CLNK: variants seen among roughly 807,000 people sequenced by gnomAD.
CLNK encodes the protein cytokine dependent hematopoietic cell linker.
A neutral mutation model predicts 68.6 loss-of-function variants in CLNK; 74 were observed. The observed-to-expected ratio is 1.08, with a 90% CI of 0.89 to 1.31. The LOEUF (loss-of-function observed/expected upper bound fraction) is 1.31. CLNK is among the 50% of genes most tolerant of loss of function. The probability of loss-of-function intolerance (pLI) is 0.00; values close to 1 mark genes in which losing one functional copy is unlikely to be tolerated. For missense variants in CLNK, 553 were observed against 515.3 expected (o/e 1.07, Z -0.71); for synonymous variants, 198 against 172.2 (o/e 1.15, Z -1.17).
chr4:10,576,457 G>A (rs907849729), intron 4 of CLNK, among the ~76,000 whole-genome samples: 8 of 152,140 alleles, frequency 5.3e-5, no homozygotes, highest in African/African-American at 1.4e-4. Context: ...ACATCTTTTT[G>A]CAAGAAACAA....
intron 11 of CLNK, among the ~76,000 whole-genome samples, chr4:10,534,419 C>T (rs762030608): frequency 1.3e-5 from 2 of 152,052 alleles, no homozygotes; most frequent in South Asian, 4.2e-4. Flanking sequence ...AAAGATATTA[C>T]CTTTTACTAT....
the CLNK span, among the ~76,000 whole-genome samples, chr4:10,699,514 T>TATATA: frequency 1.1e-4 from 2 of 18,470 alleles, no homozygotes; most frequent in African/African-American, 3.8e-4. Context: ...ATATATATAT[T>TATATA]TTTTTTTTTT....
intron 8 of CLNK, among the ~76,000 whole-genome samples, chr4:10,554,825 T>G (rs767614823): frequency 2.6e-5 from 4 of 152,206 alleles, no homozygotes; most frequent in Non-Finnish European, 4.4e-5. Flanking sequence ...GGGAGCAGTA[T>G]CATCTATCAA....
At chr4:10,674,626 A>G (rs1470601288) in intron 1 of CLNK, among the ~76,000 whole-genome samples, 1 of 152,144 alleles carries the variant, frequency 6.6e-6, no homozygotes, top group Non-Finnish European at 1.5e-5. Context: ...CTCCAGGTAT[A>G]AAGGGGACCA....
At chr4:10,666,755 C>T (rs4697773) in intron 2 of CLNK, among the ~76,000 whole-genome samples, 70,641 of 152,064 alleles carry the variant, frequency 0.46, 17,062 homozygotes, top group Non-Finnish European at 0.54. Flanking sequence ...CTGTGGACTA[C>T]GTGCCAGGGA....
intron 17 of CLNK, among the ~76,000 whole-genome samples, chr4:10,505,972 C>T (rs1717274460): frequency 1.3e-5 from 2 of 152,130 alleles, no homozygotes; most frequent in East Asian, 3.8e-4. Flanking sequence ...GTAGATCTAT[C>T]ATTTATTCAC....
intron 2 of CLNK, among the ~76,000 whole-genome samples, chr4:10,653,263 A>AAACC (rs1723826881): frequency 6.6e-6 from 1 of 152,090 alleles, no homozygotes; most frequent in African/African-American, 2.4e-5. Context: ...TGGGTGCAGC[A>AAACC]AACCACCATG....
intron 2 of CLNK, among the ~76,000 whole-genome samples, chr4:10,661,189 G>T (rs1417290772): frequency 6.6e-6 from 1 of 152,184 alleles, no homozygotes; most frequent in Non-Finnish European, 1.5e-5. Context: ...GGAAAATAAT[G>T]ATCTGGAGTT....
chr4:10,576,863 GAGACTCTC>G (rs1160551858), intron 4 of CLNK, among the ~76,000 whole-genome samples: 2 of 152,318 alleles, frequency 1.3e-5, no homozygotes, highest in East Asian at 3.9e-4. Flanking sequence ...TAGGTAAATA[GAGACTCTC>G]AGATTATTTT....
intron 6 of CLNK, among the ~76,000 whole-genome samples, chr4:10,565,413 G>T (rs1720067595): frequency 6.6e-6 from 1 of 152,156 alleles, no homozygotes; most frequent in Admixed American, 6.5e-5. Context: ...TTACAATAGG[G>T]TGCTTTATCT....
chr4:10,725,761 A>G, the CLNK span, among the ~76,000 whole-genome samples: 1 of 151,992 alleles, frequency 6.6e-6, no homozygotes, highest in Non-Finnish European at 1.5e-5. Context: ...AGGCTGAGGC[A>G]GGAGAATGGC....
the CLNK span, chr4:10,697,024 A>G: frequency 6.6e-6 from 1 of 152,226 alleles, no homozygotes; most frequent in Admixed American, 6.5e-5. Context: ...TAGATAATCA[A>G]TTTTTGGTGT....
chr4:10,590,017 C>T (rs543734607), intron 3 of CLNK, among the ~76,000 whole-genome samples: 2 of 152,280 alleles, frequency 1.3e-5, no homozygotes, highest in African/African-American at 4.8e-5. Flanking sequence ...TATCTCTGCT[C>T]CCCTCCACAT....
intron 8 of CLNK, among the ~76,000 whole-genome samples, chr4:10,557,689 C>G (rs1010039735): frequency 1.3e-5 from 2 of 152,194 alleles, no homozygotes; most frequent in Admixed American, 6.5e-5. Flanking sequence ...TGTCTATTCC[C>G]TCTTGGGACT....
rs1255827729 is a variant in CLNK, at chr4:10,489,736, G to A, written c.*731C>T. The A allele has an allele frequency of 3.4e-5, 2 of 59,668 alleles. No individual in the cohort carries two copies. Among genetic ancestry groups the A allele is most frequent in the African/African-American group, 4.8e-5 (1 of 20,900 alleles). 3.7% of individuals were successfully genotyped at this position (59,668 alleles called of 1,614,324 possible). A position where few individuals can be genotyped will look rare whatever the true frequency, so the allele number is the denominator to read the frequency against. On this transcript the variant is annotated 3_prime_UTR_variant, in exon 19 of 19. Coordinates refer to ENST00000226951, the MANE Select transcript of CLNK (RefSeq NM_052964.4). ...GATTGGAGTGCAGTGGCGCGATTTC[G>A]GCTCACTGCAAGCTCCGCCTCCCGG...
intron 17 of CLNK, among the ~76,000 whole-genome samples, chr4:10,504,963 T>C (rs6816333): frequency 0.99 from 151,221 of 152,316 alleles, 75,081 homozygotes; most frequent in East Asian, 1. Flanking sequence ...AGGAAGGGAA[T>C]ATTTGCTGAG....
chr4:10,654,405 A>G (rs1723881813), intron 2 of CLNK, among the ~76,000 whole-genome samples: 1 of 117,160 alleles, frequency 8.5e-6, no homozygotes, highest in South Asian at 2.7e-4. Context: ...ATATATATAG[A>G]AAGTCTCTTG....
rs1048058831 is a variant in CLNK at position 10,488,985 on chromosome 4, C to T, written c.*1482G>A. ...ACAGACAGTATGTTTTTTAAAAAAGCTTATTCCCACTAGAAGAGTTTATTT... is the reference window on the plus strand; with the variant it reads ...ACAGACAGTATGTTTTTTAAAAAAGTTTATTCCCACTAGAAGAGTTTATTT... On this transcript the variant is annotated 3_prime_UTR_variant, in exon 19 of 19. Transcript: ENST00000226951. The T allele has an allele frequency of 1.3e-5, 2 of 152,050 alleles. No homozygotes were observed. Among genetic ancestry groups the T allele is most frequent in the African/African-American group, 4.8e-5 (2 of 41,384 alleles). The allele number at this position is 152,050 out of a possible 1,614,324, so 9.4% of individuals were successfully genotyped here.
rs764757887 is a variant in CLNK, at chr4:10,540,617, T to C, written c.492-13A>G. ...TGTTATGAGAGGCCTGTGTGGAGAG[T>C]CGCAGTAGGGTCCTGAGAAAGTTTG... On this transcript the variant is annotated splice_polypyrimidine_tract_variant and intron_variant, in intron 10 of 18. Transcript: ENST00000226951. 18 of 1,592,636 alleles carry C rather than the reference T, an allele frequency of 1.1e-5. No homozygotes were observed. In the Admixed American group the frequency reaches 3.0e-4, roughly 27 times the overall value.
Sources: gnomAD v4.1 joint callset for allele counts (sites outside exome capture counted in the v4.1 genomes callset) on GRCh38, gnomAD v4.1.1 for gene constraint, MANE v1.5 for transcripts, NCBI Gene and HGNC (gene_info 2026-07-23, HGNC 2026-07-21) for gene names.